The following ROBO1 variants were observed in gnomAD, a reference collection of about 807,000 sequenced individuals.
ROBO1 encodes roundabout guidance receptor 1.
ROBO1 carries 149 observed loss-of-function variants against 195.9 expected under a neutral mutation model. The ratio of observed to expected loss-of-function variants is 0.76; its 90% CI spans 0.67 to 0.87. The LOEUF is 0.87. ROBO1 is among the 40% of genes least tolerant of loss of function. The pLI, the probability that ROBO1 is intolerant of heterozygous loss-of-function variation, is 0.00. For synonymous variants in ROBO1, 816 were observed against 733.2 expected (o/e 1.11, Z -1.82); for missense variants, 1,933 against 2,068.3 (o/e 0.93, Z 1.27).
rs546419008 is a variant in ROBO1, at chr3:79,577,048, A to T, written c.88+12776T>A. ...GTCTCTGGTCTATGTTTTCAATCGTAATTTTTGTTTGTCCTGTTTTAACTA... is the reference window on the plus strand; with the variant it reads ...GTCTCTGGTCTATGTTTTCAATCGTTATTTTTGTTTGTCCTGTTTTAACTA... On this transcript the variant is annotated intron_variant, in intron 2 of 30. Transcript: ENST00000464233. Among the ~76,000 whole-genome samples, 86 of 152,288 alleles carry T rather than the reference A, an allele frequency of 5.6e-4. 1 individual carries two copies. Among genetic ancestry groups the T allele is most frequent in the African/African-American group, 1.9e-3 (77 of 41,570 alleles).
chr3:79,616,021 AG>A (rs1015908147), intron 1 of ROBO1, among the ~76,000 whole-genome samples: 7 of 152,156 alleles, frequency 4.6e-5, no homozygotes, highest in Non-Finnish European at 8.8e-5. Flanking sequence ...GAATAGGTGG[AG>A]GTGTTTCTTT....
At chr3:78,818,171 G>T (rs2030356190) in intron 4 of ROBO1, among the ~76,000 whole-genome samples, 2 of 152,092 alleles carry the variant, frequency 1.3e-5, no homozygotes, top group Admixed American at 1.3e-4. Context: ...AGCAGTAGAG[G>T]GCCTTAGGCA....
intron 3 of ROBO1, among the ~76,000 whole-genome samples, chr3:79,013,628 G>T (rs544490904): frequency 6.6e-6 from 1 of 152,294 alleles, no homozygotes; most frequent in South Asian, 2.1e-4. Context: ...CTAGGAAAAT[G>T]CACAGTAGTT....
intron 3 of ROBO1, among the ~76,000 whole-genome samples, chr3:79,078,227 T>C (rs2079209678): frequency 6.6e-6 from 1 of 151,976 alleles, no homozygotes; most frequent in Non-Finnish European, 1.5e-5. Context: ...AACATTAATT[T>C]CTCAACTTAA....
At chr3:78,609,149 C>T (rs1209751273) in intron 28 of ROBO1, among the ~76,000 whole-genome samples, 2 of 152,022 alleles carry the variant, frequency 1.3e-5, no homozygotes, top group African/African-American at 4.8e-5. Context: ...CATAAAACAT[C>T]TATTGCATGC....
intron 28 of ROBO1, among the ~76,000 whole-genome samples, chr3:78,613,116 C>T (rs1250322678): frequency 6.6e-6 from 1 of 152,140 alleles, no homozygotes; most frequent in Admixed American, 6.5e-5. Context: ...TATTCTTTAA[C>T]TTGGCATGCT....
chr3:79,669,915 T>G (rs1461142139), intron 1 of ROBO1, among the ~76,000 whole-genome samples: 3 of 151,982 alleles, frequency 2.0e-5, no homozygotes, highest in African/African-American at 7.2e-5. Flanking sequence ...TAATTTACGG[T>G]TTTTGCACTT....
chr3:79,756,764 C>T (rs945406835), intron 1 of ROBO1, among the ~76,000 whole-genome samples: 7 of 152,032 alleles, frequency 4.6e-5, no homozygotes, highest in African/African-American at 1.7e-4. Context: ...TTAATGTTTT[C>T]ATCATCCCAA....
At chr3:78,809,497 C>T (rs1238276268) in intron 4 of ROBO1, among the ~76,000 whole-genome samples, 1 of 152,144 alleles carries the variant, frequency 6.6e-6, no homozygotes, top group African/African-American at 2.4e-5. Flanking sequence ...TGGGTATATA[C>T]ACAAAGGATT....
Position 78,872,399 on chromosome 3 carries a change from G to A in ROBO1, c.499+66202C>T, listed in dbSNP as rs1004811740. Among the ~76,000 whole-genome samples, 4 of 152,330 alleles carry A rather than the reference G, an allele frequency of 2.6e-5. No individual in the cohort carries two copies. The South Asian group carries it at 8.3e-4, about 32-fold the overall frequency. ...ATTGTCTGGTTTGATAATCTTGTCT[G>A]GACTTTCCAGCTCTGCTCTTGTTTC... is the stretch of plus-strand genomic sequence containing the variant. On this transcript the variant is annotated intron_variant, in intron 4 of 30. Coordinates refer to ENST00000464233, the MANE Select transcript of ROBO1 (RefSeq NM_002941.4).
intron 2 of ROBO1, among the ~76,000 whole-genome samples, chr3:79,372,685 T>C (rs1227691722): frequency 6.6e-6 from 1 of 152,164 alleles, no homozygotes; most frequent in African/African-American, 2.4e-5. Context: ...CCAGGAAGAA[T>C]GCTTTCACCA....
intron 1 of ROBO1, among the ~76,000 whole-genome samples, chr3:79,728,637 G>A (rs1478832876): frequency 6.6e-6 from 1 of 151,648 alleles, no homozygotes; most frequent in Non-Finnish European, 1.5e-5. Flanking sequence ...CAATTTTTTT[G>A]GTGTAAAAAC....
chr3:79,211,635 C>A (rs985749588), intron 2 of ROBO1, among the ~76,000 whole-genome samples: 1 of 152,186 alleles, frequency 6.6e-6, no homozygotes, highest in East Asian at 1.9e-4. Context: ...GGGGGATGGA[C>A]GTGTCAGGTA....
At chr3:79,078,941 T>C (rs914434439) in intron 3 of ROBO1, among the ~76,000 whole-genome samples, 2 of 151,754 alleles carry the variant, frequency 1.3e-5, no homozygotes, top group Non-Finnish European at 3.0e-5. Context: ...TCTATTATAT[T>C]GAATTCACAC....
At chr3:78,931,637 T>G (rs1329292236) in intron 4 of ROBO1, among the ~76,000 whole-genome samples, 1 of 152,128 alleles carries the variant, frequency 6.6e-6, no homozygotes, top group African/African-American at 2.4e-5. Context: ...TATTCTAACC[T>G]GACAAATCTA....
intron 2 of ROBO1, among the ~76,000 whole-genome samples, chr3:79,426,106 A>G (rs2038435940): frequency 6.6e-6 from 1 of 152,160 alleles, no homozygotes; most frequent in Non-Finnish European, 1.5e-5. Flanking sequence ...CCGTCTAGAT[A>G]CACGTGTGTT....
intron 2 of ROBO1, among the ~76,000 whole-genome samples, chr3:79,363,224 T>C (rs2035837840): frequency 6.6e-6 from 1 of 152,224 alleles, no homozygotes; most frequent in African/African-American, 2.4e-5. Flanking sequence ...ATGAGTTTTC[T>C]TGGTTTGCTT....
At chr3:79,192,393 A>C (rs537498897) in intron 2 of ROBO1, among the ~76,000 whole-genome samples, 2 of 151,842 alleles carry the variant, frequency 1.3e-5, no homozygotes, top group East Asian at 1.9e-4. Context: ...TTAAATCAAC[A>C]TGCAGGTAAT....
At chr3:79,305,944 A>G (rs918401512) in intron 2 of ROBO1, among the ~76,000 whole-genome samples, 6 of 152,198 alleles carry the variant, frequency 3.9e-5, no homozygotes, top group African/African-American at 1.4e-4. Context: ...TAGGATAGCC[A>G]TGGAAAGAGA....
Sources: gnomAD v4.1 joint callset for allele counts (sites outside exome capture counted in the v4.1 genomes callset) on GRCh38, gnomAD v4.1.1 for gene constraint, MANE v1.5 for transcripts, NCBI Gene and HGNC (gene_info 2026-07-23, HGNC 2026-07-21) for gene names.